The following SLC4A4 variants were observed in gnomAD, a reference collection of about 807,000 sequenced individuals.
The protein encoded by SLC4A4 is solute carrier family 4 member 4.
Under a neutral mutation model 111.5 loss-of-function variants are expected in SLC4A4, and 27 were observed. That is an observed-to-expected ratio of 0.24 (90% CI 0.18 to 0.33). The LOEUF is 0.33. Among genes scored for constraint, SLC4A4 ranks in the 10% least tolerant of loss-of-function variants. The pLI is 1.00. For missense variants in SLC4A4, 909 were observed against 1,315.5 expected (o/e 0.69, Z 4.78); for synonymous variants, 443 against 463.4 (o/e 0.96, Z 0.57).
intron 14 of SLC4A4, 146 bp from the exon 15 acceptor site, chr4:71,486,802 T>C (rs1729443591): frequency 3.7e-6 from 2 of 544,292 alleles, no homozygotes; most frequent in South Asian, 4.7e-5. Context: ...AACACATTTA[T>C]AATAAATAAA....
At chr4:71,091,339 G>A (rs71599981) in intron 1 of SLC4A4, among the ~76,000 whole-genome samples, 13,723 of 149,634 alleles carry the variant, frequency 0.092, 792 homozygotes, top group African/African-American at 0.16. Context: ...TGCAAGCTCC[G>A]CATTCCGGGT....
chr4:71,230,189 G>C (rs1008536063), intron 1 of SLC4A4, among the ~76,000 whole-genome samples: 1 of 152,142 alleles, frequency 6.6e-6, no homozygotes, highest in Non-Finnish European at 1.5e-5. Flanking sequence ...ATAATTTTAG[G>C]TGTCAGTACT....
intron 1 of SLC4A4, among the ~76,000 whole-genome samples, chr4:71,072,792 G>A (rs765278299): frequency 7.9e-5 from 12 of 151,802 alleles, no homozygotes; most frequent in Admixed American, 5.3e-4. Flanking sequence ...TTTGAGACAG[G>A]TGTCTTGCTC....
intron 20 of SLC4A4, among the ~76,000 whole-genome samples, chr4:71,552,250 T>A (rs1736056460): frequency 6.6e-6 from 1 of 151,942 alleles, no homozygotes; most frequent in South Asian, 2.1e-4. Context: ...AATTTCTCAA[T>A]GTTACATAAG....
chr4:71,213,305 C>A (rs1323143333), intron 1 of SLC4A4, among the ~76,000 whole-genome samples: 1 of 152,158 alleles, frequency 6.6e-6, no homozygotes, highest in Non-Finnish European at 1.5e-5. Flanking sequence ...CTGGATTTTA[C>A]CTCATAAAGT....
At chr4:71,148,849 C>T (rs1282286000) in intron 2 of SLC4A4, among the ~76,000 whole-genome samples, 1 of 152,038 alleles carries the variant, frequency 6.6e-6, no homozygotes. Flanking sequence ...GAATAGTGTA[C>T]ATATGCATGC....
At chr4:71,064,040 C>T (rs1470178045) in intron 1 of SLC4A4, among the ~76,000 whole-genome samples, 1 of 151,956 alleles carries the variant, frequency 6.6e-6, no homozygotes. Flanking sequence ...ATCTCAGGTA[C>T]CCCATAAATA....
intron 17 of SLC4A4, among the ~76,000 whole-genome samples, chr4:71,532,919 G>A (rs1321137946): frequency 6.6e-6 from 1 of 152,080 alleles, no homozygotes; most frequent in African/African-American, 2.4e-5. Flanking sequence ...TTACAAAGTA[G>A]ATATAATAAT....
In SLC4A4 at chr4:71,157,809, G is replaced by A. The variant is rs557947280; in HGVS notation, c.-2+65017G>A. On this transcript the variant is annotated intron_variant, in intron 2 of 26. Transcript: ENST00000649996. The stretch of plus-strand genomic sequence containing the variant: ...GAGAAGGGAGAAATGATGAAACAGC[G>A]ACCAGCTTCTTTGCTTGCTGGCATC... Among the ~76,000 whole-genome samples, 117 of 152,212 alleles carry A rather than the reference G, an allele frequency of 7.7e-4. 1 individual carries two copies. The highest frequency in any genetic ancestry group is 3.4e-3 in the Middle Eastern group (1 of 294).
intron 18 of SLC4A4, among the ~76,000 whole-genome samples, chr4:71,545,184 C>G (rs1162574319): frequency 6.6e-6 from 1 of 151,944 alleles, no homozygotes; most frequent in Non-Finnish European, 1.5e-5. Flanking sequence ...TGAATACATG[C>G]TTTTCTTTCT....
intron 6 of SLC4A4, among the ~76,000 whole-genome samples, chr4:71,380,734 T>G (rs1718058356): frequency 6.6e-6 from 1 of 152,148 alleles, no homozygotes; most frequent in South Asian, 2.1e-4. Context: ...CTCAGTTAGT[T>G]GGGGGGAACA....
chr4:71,082,228 C>A (rs900000824), intron 1 of SLC4A4, among the ~76,000 whole-genome samples: 3 of 152,058 alleles, frequency 2.0e-5, no homozygotes, highest in Admixed American at 6.5e-5. Flanking sequence ...TTCTCTTATT[C>A]TGCTTAACTT....
At chr4:71,321,901 A>G (rs1174087133) in intron 3 of SLC4A4, among the ~76,000 whole-genome samples, 1 of 152,032 alleles carries the variant, frequency 6.6e-6, no homozygotes, top group African/African-American at 2.4e-5. Flanking sequence ...CAGTGAAACT[A>G]TAGATGTCAA....
chr4:71,233,407 C>G (rs746775942), intron 1 of SLC4A4: 53 of 539,270 alleles, frequency 9.8e-5, no homozygotes, highest in Admixed American at 1.3e-4. Flanking sequence ...CACTCGGTAG[C>G]AGTACTCTCC....
At chr4:71,169,792 T>G (rs890579911) in intron 2 of SLC4A4, among the ~76,000 whole-genome samples, 1 of 152,200 alleles carries the variant, frequency 6.6e-6, no homozygotes, top group African/African-American at 2.4e-5. Flanking sequence ...GTTCTAAGAA[T>G]GAACTTCCCG....
intron 4 of SLC4A4, 101 bp downstream of exon 4, chr4:71,339,606 T>G: frequency 9.0e-7 from 1 of 1,105,282 alleles, no homozygotes; most frequent in East Asian, 2.4e-5. Flanking sequence ...GCACTTTGAA[T>G]GGCCAATGGG....
Position 71,350,000 on chromosome 4 carries a change from G to T in SLC4A4, c.478G>T (p.Glu160Ter). The T allele has an allele frequency of 6.2e-7, 1 of 1,614,106 alleles. No individual in the cohort carries two copies. Among genetic ancestry groups the T allele is most frequent in the Non-Finnish European group, 8.5e-7 (1 of 1,179,994 alleles). ...CACATTGTCCCTTCATAGTTTATTT[G>T]AGCTGAGGACATGTATGGAGAAAGG... is the stretch of plus-strand genomic sequence containing the variant. ...VATLSLHSLF[E>*]LRTCMEKGSI... Residue 160 changes from glutamate to a stop codon, truncating the protein, a stop_gained, in exon 5 of 26, where the codon GAG (glutamate) becomes TAG (stop). Transcript: ENST00000264485. LOFTEE classifies it high-confidence loss of function.
At chr4:71,362,158 T>G (rs895767813) in intron 6 of SLC4A4, among the ~76,000 whole-genome samples, 28 of 152,272 alleles carry the variant, frequency 1.8e-4, no homozygotes, top group African/African-American at 6.3e-4. Flanking sequence ...CTTCTTCATT[T>G]TTTGTCCCCA....
chr4:71,337,955 G>T (rs1480755492), intron 3 of SLC4A4, among the ~76,000 whole-genome samples: 2 of 151,832 alleles, frequency 1.3e-5, no homozygotes, highest in African/African-American at 4.8e-5. Context: ...TCACCCTCTT[G>T]AGTAGCTGGG....
Sources: gnomAD v4.1 joint callset for allele counts (sites outside exome capture counted in the v4.1 genomes callset) on GRCh38, gnomAD v4.1.1 for gene constraint, MANE v1.5 for transcripts, NCBI Gene and HGNC (gene_info 2026-07-23, HGNC 2026-07-21) for gene names.